Variants in GCNT3 observed in about 807,000 individuals in gnomAD.
The protein encoded by GCNT3 is glucosaminyl (N-acetyl) transferase 3, mucin type, also known as beta-1,3-galactosyl-O-glycosyl-glycoprotein beta-1,6-N-acetylglucosaminyltransferase 3.
For missense variants in GCNT3, 708 were observed against 530.3 expected, an observed-to-expected ratio of 1.34 and a Z score of -3.29; for synonymous variants, 269 against 195.2, an observed-to-expected ratio of 1.38 and a Z score of -3.15.
Position 59,620,739 on chromosome 15 carries a change from A to G in GCNT3, c.*1184A>G, listed in dbSNP as rs1310705804. The stretch of plus-strand genomic sequence containing the variant: ...AGGTAATGTGTAATTCATTATTCAA[A>G]GTGGAACATGTTTTTGTAGGGGGAG... On this transcript the variant is annotated 3_prime_UTR_variant, in exon 3 of 3. Transcript: ENST00000396065. The G allele has an allele frequency of 6.0e-6, 1 of 167,044 alleles. No homozygotes were observed. Among genetic ancestry groups the G allele is most frequent in the African/African-American group, 2.4e-5 (1 of 41,434 alleles). 10.3% of individuals were successfully genotyped at this position (167,044 alleles called of 1,614,324 possible).
Position 59,618,410 on chromosome 15 carries a change from A to G in GCNT3, c.172A>G (p.Asn58Asp). ...QSQYCRNILY[N>D]FLKLPAKRSI... ...CCAGTACTGTAGGAATATCTTGTAT[A>G]ATTTCCTGAAACTTCCAGCAAAGAG... Residue 58 changes from asparagine (N) to aspartate (D), a missense_variant, in exon 3 of 3, where the codon AAT (asparagine) becomes GAT (aspartate). Asn to Asp is a conservative substitution (Grantham distance 23). Coordinates refer to ENST00000396065, the MANE Select transcript of GCNT3 (RefSeq NM_004751.3). 1 of 1,614,120 alleles carries G rather than the reference A, an allele frequency of 6.2e-7. No individual in the cohort carries two copies. The highest frequency in any genetic ancestry group is 8.5e-7 in the Non-Finnish European group (1 of 1,179,982).
chr15:59,613,453 C>G (rs528477737), intron 1 of GCNT3, among the ~76,000 whole-genome samples: 34 of 151,620 alleles, frequency 2.2e-4, no homozygotes, highest in Admixed American at 6.6e-4. Flanking sequence ...GTAATCCTAG[C>G]ATTTTGGGAG....
In GCNT3 at chr15:59,621,036, C is replaced by G. The variant is rs1890918391; in HGVS notation, c.*1481C>G. The G allele has an allele frequency of 6.6e-6, 1 of 151,842 alleles. No individual in the cohort carries two copies. The highest frequency in any genetic ancestry group is 2.1e-4 in the South Asian group (1 of 4,812). The allele number at this position is 151,842 out of a possible 1,614,324, so 9.4% of individuals were successfully genotyped here. A position where few individuals can be genotyped will look rare whatever the true frequency, so the allele number is the denominator to read the frequency against. Reference sequence around the variant, plus strand: ...TAGCTGGGATTACAGATGTGAGCCACCATGCCCAGCTGATTTTTGTGTATT... The same window carrying G: ...TAGCTGGGATTACAGATGTGAGCCAGCATGCCCAGCTGATTTTTGTGTATT... On this transcript the variant is annotated 3_prime_UTR_variant, in exon 3 of 3. Coordinates refer to ENST00000396065, the MANE Select transcript of GCNT3 (RefSeq NM_004751.3).
Position 59,619,480 on chromosome 15 carries a change from A to G in GCNT3, c.1242A>G (p.Pro414=), listed in dbSNP as rs1175545053. 3 of 1,613,998 alleles carry G rather than the reference A, an allele frequency of 1.9e-6. No individual in the cohort carries two copies. The highest frequency in any genetic ancestry group is 2.5e-6 in the Non-Finnish European group (3 of 1,180,002). ...ACCTGTTGGCCAACAAGTTTGACCCAAAGGTAGATGATAATGCTCTTCAGT... is the reference window on the plus strand; with the variant it reads ...ACCTGTTGGCCAACAAGTTTGACCCGAAGGTAGATGATAATGCTCTTCAGT... ...NHHLLANKFD[P]KVDDNALQCL... The change falls in exon 3 of 3, where the codon CCA becomes CCG. Residue 414 remains proline, a synonymous_variant. Coordinates refer to ENST00000396065, the MANE Select transcript of GCNT3 (RefSeq NM_004751.3).
In GCNT3 at chr15:59,618,834, C is replaced by T. The variant is rs760023511; in HGVS notation, c.596C>T (p.Ser199Phe). 3.7e-6 allele frequency: 6 copies of T among 1,614,176 alleles called. No homozygotes were observed. The highest frequency in any genetic ancestry group is 1.1e-5 in the South Asian group (1 of 91,090). The change falls in exon 3 of 3, where the codon TCC becomes TTC. Residue 199 changes from serine (S) to phenylalanine (F), a missense_variant. Physicochemically the swap from Ser to Phe is radical, Grantham distance 155. Transcript: ENST00000396065. ...AAGCTGGTTCGGGTGGTTTATGCCTCCTGGTCCAGGGTGCAAGCTGACCTC... is the reference window on the plus strand; with the variant it reads ...AAGCTGGTTCGGGTGGTTTATGCCTTCTGGTCCAGGGTGCAAGCTGACCTC... The part of the protein sequence containing the change: ...ASKLVRVVYA[S>F]WSRVQADLNC...
chr15:59,621,830 C>T lies in GCNT3; in HGVS notation c.*2275C>T, dbSNP rs1890938957. On this transcript the variant is annotated 3_prime_UTR_variant, in exon 3 of 3. Coordinates refer to ENST00000396065, the MANE Select transcript of GCNT3 (RefSeq NM_004751.3). The stretch of plus-strand genomic sequence containing the variant: ...GGTCAGGCTGGTCTGAACTCCTGAC[C>T]TCAAGTGATCCACTTGCCTTGGCTT... 6.7e-6 allele frequency: 1 copy of T among 150,308 alleles called. No homozygotes were observed. The allele number at this position is 150,308 out of a possible 1,614,324, so 9.3% of individuals were successfully genotyped here.
chr15:59,617,252 A>G lies in GCNT3; in HGVS notation c.-61+371A>G, dbSNP rs371257771. On this transcript the variant is annotated intron_variant, in intron 2 of 2. Coordinates refer to ENST00000396065, the MANE Select transcript of GCNT3 (RefSeq NM_004751.3). The stretch of plus-strand genomic sequence containing the variant: ...TTGTTTGGGAGTCCAAACAAAATAT[A>G]AAAGAGCTATAATACTTCCTGTATT... 5.2e-4 allele frequency among the ~76,000 whole-genome samples: 78 copies of G among 150,688 alleles called. 1 individual carries two copies. Among genetic ancestry groups the G allele is most frequent in the African/African-American group, 1.6e-3 (67 of 41,066 alleles).
chr15:59,615,635 C>A (rs1471495171), intron 1 of GCNT3, among the ~76,000 whole-genome samples: 2 of 151,942 alleles, frequency 1.3e-5, no homozygotes, highest in South Asian at 2.1e-4. Flanking sequence ...GTAATCCCAG[C>A]ACTTTGGGAG....
intron 1 of GCNT3, 150 bp downstream of exon 1, chr15:59,612,131 C>G (rs2082699088): frequency 6.6e-6 from 1 of 152,366 alleles, no homozygotes; most frequent in Admixed American, 6.5e-5. Context: ...AACATCAAAT[C>G]CCACTGGCTT....
intron 1 of GCNT3, among the ~76,000 whole-genome samples, chr15:59,613,513 G>A (rs1207714697): frequency 1.4e-5 from 2 of 147,638 alleles, no homozygotes; most frequent in African/African-American, 5.1e-5. Flanking sequence ...CCAGCCAGGG[G>A]AACAGCAAAC....
At chr15:59,612,536 G>T (rs1307819935) in intron 1 of GCNT3, among the ~76,000 whole-genome samples, 1 of 152,134 alleles carries the variant, frequency 6.6e-6, no homozygotes, top group African/African-American at 2.4e-5. Context: ...TGTACCTTTT[G>T]TCCTTAGCAG....
Position 59,618,848 on chromosome 15 carries a change from C to G in GCNT3, c.610C>G (p.Gln204Glu). 6.2e-7 allele frequency: 1 copy of G among 1,614,158 alleles called. No homozygotes were observed. Among genetic ancestry groups the G allele is most frequent in the Non-Finnish European group, 8.5e-7 (1 of 1,180,018 alleles). ...RVVYASWSRV[Q>E]ADLNCMEDLL... ...GGTTTATGCCTCCTGGTCCAGGGTG[C>G]AAGCTGACCTCAACTGCATGGAAGA... Residue 204 changes from glutamine (Q) to glutamate (E), a missense_variant, in exon 3 of 3, where the codon CAA (glutamine) becomes GAA (glutamate). Coordinates refer to ENST00000396065, the MANE Select transcript of GCNT3 (RefSeq NM_004751.3).
In GCNT3 at chr15:59,618,715, A is replaced by G; in HGVS notation, c.477A>G (p.Ile159Met). 2 of 1,613,952 alleles carry G rather than the reference A, an allele frequency of 1.2e-6. No individual in the cohort carries two copies. The highest frequency in any genetic ancestry group is 2.7e-5 in the African/African-American group (2 of 75,046). ...GAGCTGTGTATGCCCCTCAGAACAT[A>G]TACTGTGTCCATGTGGATGAGAAGT... Reference protein sequence around the residue: ...LLRAVYAPQNIYCVHVDEKSP... With the variant: ...LLRAVYAPQNMYCVHVDEKSP... Residue 159 changes from isoleucine to methionine, a missense_variant, in exon 3 of 3, where the codon ATA becomes ATG. Ile to Met is a conservative substitution (Grantham distance 10). Coordinates refer to ENST00000396065, the MANE Select transcript of GCNT3 (RefSeq NM_004751.3).
At chr15:59,614,190 C>G (rs912638443) in intron 1 of GCNT3, among the ~76,000 whole-genome samples, 1 of 152,084 alleles carries the variant, frequency 6.6e-6, no homozygotes, top group Admixed American at 6.5e-5. Flanking sequence ...GAAGCAAGTG[C>G]TTATCCCATA....
chr15:59,612,199 T>A (rs2082699417), intron 1 of GCNT3, among the ~76,000 whole-genome samples: 1 of 152,198 alleles, frequency 6.6e-6, no homozygotes. Flanking sequence ...TGACTGGAAC[T>A]CTTAGACCTT....
chr15:59,615,632 C>T (rs187681740), intron 1 of GCNT3, among the ~76,000 whole-genome samples: 1 of 151,952 alleles, frequency 6.6e-6, no homozygotes, highest in African/African-American at 2.4e-5. Context: ...CCTGTAATCC[C>T]AGCACTTTGG....
chr15:59,612,583 G>A (rs969392045), intron 1 of GCNT3, among the ~76,000 whole-genome samples: 4 of 152,142 alleles, frequency 2.6e-5, no homozygotes, highest in Non-Finnish European at 4.4e-5. Flanking sequence ...TCATACCCCA[G>A]GTTTCAGTTT....
At chr15:59,617,550 C>T (rs2082725547) in intron 2 of GCNT3, among the ~76,000 whole-genome samples, 2 of 152,094 alleles carry the variant, frequency 1.3e-5, no homozygotes, top group Admixed American at 1.3e-4. Context: ...AGCTTGTGTG[C>T]AAGTATATTT....
rs1248204805 is a variant in GCNT3, at chr15:59,621,787, A to G, written c.*2232A>G. 1 of 150,180 alleles carries G rather than the reference A, an allele frequency of 6.7e-6. No individual in the cohort carries two copies. The highest frequency in any genetic ancestry group is 1.5e-5 in the Non-Finnish European group (1 of 67,566). The allele number at this position is 150,180 out of a possible 1,614,324, so 9.3% of individuals were successfully genotyped here. ...ATTTTTTTGTATTTTTTTAGTAGAA[A>G]CAGGGTTTCACCATGTTGGTCAGGC... On this transcript the variant is annotated 3_prime_UTR_variant, in exon 3 of 3. Coordinates refer to ENST00000396065, the MANE Select transcript of GCNT3 (RefSeq NM_004751.3).
Sources: allele counts gnomAD v4.1 joint callset (sites outside exome capture counted in the v4.1 genomes callset), GRCh38; gene constraint gnomAD v4.1.1; transcripts MANE v1.5; gene names NCBI Gene and HGNC (gene_info 2026-07-23, HGNC 2026-07-21).